MELK: variants seen among roughly 807,000 people sequenced by gnomAD.
MELK encodes the protein pEg3 kinase.
Under a neutral mutation model 85.0 loss-of-function variants are expected in MELK, and 81 were observed. That is an observed-to-expected ratio of 0.95 (90% confidence interval 0.80 to 1.15). The LOEUF (loss-of-function observed/expected upper bound fraction) is 1.15, where lower values mean the gene tolerates loss of function less well. MELK is among the 50% of genes most tolerant of loss of function. MELK has a pLI of 0.00. For missense variants in MELK, 754 were observed against 777.5 expected (o/e 0.97, Z 0.36); for synonymous variants, 252 against 265.0 (o/e 0.95, Z 0.48).
intron 13 of MELK, among the ~76,000 whole-genome samples, chr9:36,659,639 G>A (rs988781633): frequency 3.9e-5 from 6 of 152,108 alleles, no homozygotes; most frequent in Admixed American, 1.3e-4. Flanking sequence ...GAATCAATTC[G>A]TCTCTCAGTC....
intron 7 of MELK, among the ~76,000 whole-genome samples, chr9:36,601,710 T>C (rs1462431688): frequency 6.6e-6 from 1 of 152,204 alleles, no homozygotes; most frequent in African/African-American, 2.4e-5. Flanking sequence ...TTTATACCTG[T>C]TAAACAATTC....
intron 8 of MELK, among the ~76,000 whole-genome samples, chr9:36,621,542 G>A (rs561575925): frequency 6.6e-6 from 1 of 152,160 alleles, no homozygotes; most frequent in Non-Finnish European, 1.5e-5. Flanking sequence ...CACACAGCTA[G>A]TAAGAGGTAG....
chr9:36,657,861 G>A (rs1453692040), intron 13 of MELK, among the ~76,000 whole-genome samples: 3 of 152,190 alleles, frequency 2.0e-5, no homozygotes, highest in Non-Finnish European at 4.4e-5. Context: ...GGGATTACAG[G>A]CGTGAGCCAC....
intron 8 of MELK, among the ~76,000 whole-genome samples, chr9:36,617,445 G>C (rs185311392): frequency 7.3e-4 from 111 of 151,886 alleles, no homozygotes; most frequent in African/African-American, 2.6e-3. Context: ...TGATCCTCCA[G>C]CCTCAGCCTC....
intron 8 of MELK, among the ~76,000 whole-genome samples, chr9:36,614,357 G>A (rs1414462638): frequency 4.0e-5 from 6 of 151,410 alleles, no homozygotes; most frequent in Non-Finnish European, 8.8e-5. Flanking sequence ...GGCCTCCCAA[G>A]GTGCTGGGAT....
chr9:36,589,009 G>A (rs1247524649), intron 3 of MELK, among the ~76,000 whole-genome samples: 1 of 152,110 alleles, frequency 6.6e-6, no homozygotes, highest in Non-Finnish European at 1.5e-5. Flanking sequence ...TTGTTTTCTG[G>A]ATGTTGTACT....
chr9:36,602,155 C>T (rs1824994192), intron 7 of MELK, among the ~76,000 whole-genome samples: 1 of 152,038 alleles, frequency 6.6e-6, no homozygotes, highest in South Asian at 2.1e-4. Context: ...ATACTGTTTT[C>T]CATAGTGAGT....
chr9:36,640,124 T>C lies in MELK; in HGVS notation c.835-2873T>C, dbSNP rs908858661. On this transcript the variant is annotated intron_variant, in intron 10 of 17. Coordinates refer to ENST00000298048, the MANE Select transcript of MELK (RefSeq NM_014791.4). ...TACTTTGTAACCCATGAGGTTGTGC[T>C]TATACCAGTCAATAATGCAAGGCTC... Among the ~76,000 whole-genome samples, 4 of 152,224 alleles carry C rather than the reference T, an allele frequency of 2.6e-5. No homozygotes were observed. In the East Asian group the frequency reaches 7.7e-4, roughly 29 times the overall value.
chr9:36,585,302 G>GTTTTTTTTTT lies in MELK; in HGVS notation c.144+1604_144+1613dup, dbSNP rs869244728. Among the ~76,000 whole-genome samples the GTTTTTTTTTT allele has an allele frequency of 2.3e-4, 18 of 77,820 alleles. 1 individual carries two copies. The highest frequency in any genetic ancestry group is 6.3e-4 in the African/African-American group (11 of 17,378). 51.1% of individuals were successfully genotyped at this position (77,820 alleles called of 152,430 possible). A position where few individuals can be genotyped will look rare whatever the true frequency, so the allele number is the denominator to read the frequency against. ...TTTCTAATTCCTTCTACCATTCTTT[G>GTTTTTTTTTT]TTTTTTTTTTTTTTTTTTTTTTTGA... On this transcript the variant is annotated intron_variant, in intron 3 of 17. Transcript: ENST00000298048.
chr9:36,649,634 T>A (rs948261852), intron 11 of MELK, among the ~76,000 whole-genome samples: 1 of 152,028 alleles, frequency 6.6e-6, no homozygotes, highest in Admixed American at 6.6e-5. Flanking sequence ...CCAGGCGTGG[T>A]GGCATGTGCC....
intron 8 of MELK, among the ~76,000 whole-genome samples, chr9:36,615,578 G>T (rs1441044895): frequency 1.1e-4 from 15 of 134,652 alleles, no homozygotes; most frequent in Non-Finnish European, 4.6e-5. Context: ...GCTGGGCGGA[G>T]AGGCTCCTCA....
chr9:36,644,410 A>T (rs576323915), intron 11 of MELK, among the ~76,000 whole-genome samples: 3 of 152,286 alleles, frequency 2.0e-5, no homozygotes, highest in African/African-American at 7.2e-5. Flanking sequence ...CAATTTTTTT[A>T]AAAAATTAAA....
chr9:36,587,206 A>G (rs1177347969), intron 3 of MELK, among the ~76,000 whole-genome samples: 1 of 151,940 alleles, frequency 6.6e-6, no homozygotes, highest in Non-Finnish European at 1.5e-5. Context: ...GAAGATTATC[A>G]TACCAAGATA....
chr9:36,640,429 CTTTCT>C, intron 10 of MELK, among the ~76,000 whole-genome samples: 1 of 151,794 alleles, frequency 6.6e-6, no homozygotes, highest in Non-Finnish European at 1.5e-5. Context: ...AGCCTCTTTT[CTTTCT>C]TTTCTTTTCT....
Position 36,581,731 on chromosome 9 carries a change from T to C in MELK, c.50T>C (p.Ile17Thr), listed in dbSNP as rs763351882. ...LLKYYELHET[I>T]GTGGFAKVKL... ...AAATATTATGAATTACATGAAACTA[T>C]TGGGACAGGTAATTGTTATTTTTTT... is the stretch of plus-strand genomic sequence containing the variant. The change falls in exon 2 of 18, where the codon ATT (isoleucine) becomes ACT (threonine). Residue 17 changes from isoleucine to threonine, a missense_variant. Ile to Thr is a moderately conservative substitution (Grantham distance 89, BLOSUM62 -1). Transcript: ENST00000298048. 58 of 1,592,476 alleles carry C rather than the reference T, an allele frequency of 3.6e-5. 1 individual carries two copies. In the South Asian group the frequency reaches 6.1e-4, roughly 17 times the overall value.
intron 1 of MELK, among the ~76,000 whole-genome samples, chr9:36,577,331 G>A (rs1015884669): frequency 1.3e-5 from 2 of 152,178 alleles, no homozygotes; most frequent in Admixed American, 1.3e-4. Context: ...TGGCCAACAT[G>A]GCGAAACCCC....
intron 8 of MELK, among the ~76,000 whole-genome samples, chr9:36,613,026 G>A (rs887235867): frequency 2.0e-5 from 3 of 152,256 alleles, no homozygotes; most frequent in African/African-American, 7.2e-5. Flanking sequence ...GTGTGCTGTG[G>A]GTTTTCCCCC....
At chr9:36,657,437 C>A in intron 13 of MELK, 74 bp downstream of exon 13, 1 of 1,470,786 alleles carries the variant, frequency 6.8e-7, no homozygotes, top group South Asian at 1.4e-5. Context: ...TAATGTGAAA[C>A]CAAGGTGTGC....
intron 8 of MELK, among the ~76,000 whole-genome samples, chr9:36,621,250 T>C (rs1025241606): frequency 8.9e-6 from 1 of 112,514 alleles, no homozygotes; most frequent in Non-Finnish European, 1.7e-5. Flanking sequence ...CCAGTCTGAA[T>C]GACAGAGTGA....
Sources: gnomAD v4.1 joint callset for allele counts (sites outside exome capture counted in the v4.1 genomes callset) on GRCh38, gnomAD v4.1.1 for gene constraint, MANE v1.5 for transcripts, NCBI Gene and HGNC (gene_info 2026-07-23, HGNC 2026-07-21) for gene names.